Variants in TMTC2 observed in about 807,000 individuals in gnomAD.
TMTC2 encodes the protein protein O-mannosyl-transferase TMTC2.
In TMTC2, 43 loss-of-function variants were observed where a neutral mutation model predicts 82.4. The ratio of observed to expected loss-of-function variants is 0.52; its 90% confidence interval spans 0.41 to 0.67. The LOEUF (loss-of-function observed/expected upper bound fraction) is 0.67. TMTC2 is among the 30% of genes least tolerant of loss of function. The pLI is 0.00. For synonymous variants in TMTC2, 408 were observed against 381.9 expected, an observed-to-expected ratio of 1.07 and a Z score of -0.80; for missense variants, 919 against 1,012.4, an observed-to-expected ratio of 0.91 and a Z score of 1.25.
chr12:82,961,260 G>A (rs111853397), intron 4 of TMTC2, among the ~76,000 whole-genome samples: 42 of 68,574 alleles, frequency 6.1e-4, no homozygotes, highest in Non-Finnish European at 1.1e-3. Context: ...AAGGATTTCT[G>A]TTTATCATGT....
At chr12:82,824,175 T>G (rs755928775) in intron 1 of TMTC2, among the ~76,000 whole-genome samples, 5 of 152,228 alleles carry the variant, frequency 3.3e-5, no homozygotes, top group Non-Finnish European at 7.4e-5. Flanking sequence ...ATTATAGGCC[T>G]GGGCCACCGC....
At chr12:82,799,774 G>A (rs1465359203) in intron 1 of TMTC2, among the ~76,000 whole-genome samples, 3 of 151,998 alleles carry the variant, frequency 2.0e-5, no homozygotes, top group African/African-American at 7.2e-5. Flanking sequence ...CTTTTTGAGG[G>A]GACACAATTT....
At chr12:83,114,555 C>T (rs1884696111) in intron 11 of TMTC2, among the ~76,000 whole-genome samples, 1 of 152,162 alleles carries the variant, frequency 6.6e-6, no homozygotes, top group Admixed American at 6.5e-5. Context: ...TCTCTCATAT[C>T]CTCATTTCCG....
intron 4 of TMTC2, among the ~76,000 whole-genome samples, chr12:82,961,624 C>A (rs1050360080): frequency 1.3e-5 from 2 of 151,868 alleles, no homozygotes; most frequent in African/African-American, 4.8e-5. Flanking sequence ...TCTCTTTTTC[C>A]CTTTGTAATG....
chr12:83,116,062 T>C (rs1012091810), intron 11 of TMTC2, among the ~76,000 whole-genome samples: 1 of 152,126 alleles, frequency 6.6e-6, no homozygotes, highest in African/African-American at 2.4e-5. Flanking sequence ...TAATCTTTTA[T>C]CCTTCACCAC....
intron 1 of TMTC2, among the ~76,000 whole-genome samples, chr12:82,806,807 GA>G (rs577880477): frequency 3.3e-5 from 5 of 152,150 alleles, no homozygotes; most frequent in Non-Finnish European, 7.4e-5. Context: ...GGAGGAAGAA[GA>G]GGGGGGTTGG....
rs371975615 is a variant in TMTC2 at position 82,971,435 on chromosome 12, A to G, written c.1948+4438A>G. 1.2e-4 allele frequency among the ~76,000 whole-genome samples: 19 copies of G among 152,036 alleles called. No homozygotes were observed. The East Asian group carries it at 1.4e-3, about 11-fold the overall frequency. On this transcript the variant is annotated intron_variant, in intron 7 of 11. Coordinates refer to ENST00000321196, the MANE Select transcript of TMTC2 (RefSeq NM_152588.3). ...TTTTAATGCAGGATGATTTCTGAAC[A>G]CTCTGAGTTTCTCTTTTCTTTTTTT... is the stretch of plus-strand genomic sequence containing the variant.
intron 1 of TMTC2, among the ~76,000 whole-genome samples, chr12:82,736,452 G>A (rs1875129454): frequency 6.6e-6 from 1 of 151,922 alleles, no homozygotes; most frequent in Non-Finnish European, 1.5e-5. Context: ...TTACTTTTTT[G>A]TTTGATTCCT....
chr12:83,074,236 G>T (rs1038860957), intron 11 of TMTC2, among the ~76,000 whole-genome samples: 2 of 152,098 alleles, frequency 1.3e-5, no homozygotes, highest in African/African-American at 4.8e-5. Flanking sequence ...TGCAGTGATT[G>T]TTGTCTCTCT....
intron 11 of TMTC2, among the ~76,000 whole-genome samples, chr12:83,074,026 G>A (rs558467544): frequency 3.3e-5 from 5 of 152,262 alleles, no homozygotes; most frequent in South Asian, 2.1e-4. Flanking sequence ...GTGAACTAGT[G>A]TGATTTTTGA....
At chr12:82,933,565 C>A (rs1876157146) in intron 4 of TMTC2, among the ~76,000 whole-genome samples, 1 of 152,084 alleles carries the variant, frequency 6.6e-6, no homozygotes, top group Admixed American at 6.5e-5. Context: ...CGTGATAATA[C>A]CCCTTTGAGA....
chr12:82,975,713 A>C (rs1295392452), intron 7 of TMTC2, among the ~76,000 whole-genome samples: 5 of 144,574 alleles, frequency 3.5e-5, no homozygotes, highest in African/African-American at 1.3e-4. Context: ...TCCTAAAAGG[A>C]TCTGTGTGGA....
At chr12:83,048,644 C>T (rs1051480484) in intron 9 of TMTC2, among the ~76,000 whole-genome samples, 4 of 152,258 alleles carry the variant, frequency 2.6e-5, no homozygotes, top group East Asian at 3.9e-4. Context: ...TTTAGAAATA[C>T]TTAAATGCAA....
chr12:83,014,416 T>G (rs1796172), intron 8 of TMTC2, among the ~76,000 whole-genome samples: 1 of 151,688 alleles, frequency 6.6e-6, no homozygotes, highest in Admixed American at 6.6e-5. Context: ...TCTCAGCTCA[T>G]GCAACCTCCG....
chr12:82,906,417 C>T, intron 3 of TMTC2, among the ~76,000 whole-genome samples: 1 of 152,176 alleles, frequency 6.6e-6, no homozygotes, highest in South Asian at 2.1e-4. Flanking sequence ...GTAATCCCAG[C>T]ACTTTGGGAG....
At chr12:82,791,915 C>T (rs534059935) in intron 1 of TMTC2, among the ~76,000 whole-genome samples, 1 of 152,060 alleles carries the variant, frequency 6.6e-6, no homozygotes, top group Admixed American at 6.5e-5. Flanking sequence ...TCATTGCTCT[C>T]CTACCCCAAC....
At chr12:82,821,696 C>A (rs1441261036) in intron 1 of TMTC2, among the ~76,000 whole-genome samples, 4 of 152,026 alleles carry the variant, frequency 2.6e-5, no homozygotes, top group African/African-American at 4.8e-5. Context: ...GATGGTGAAA[C>A]CCCATCTCTA....
At chr12:82,786,389 C>G (rs1453139487) in intron 1 of TMTC2, among the ~76,000 whole-genome samples, 1 of 151,896 alleles carries the variant, frequency 6.6e-6, no homozygotes, top group Non-Finnish European at 1.5e-5. Context: ...ATATGTTGCC[C>G]AATAAATTGT....
chr12:82,932,942 TAGGAC>T, intron 4 of TMTC2, among the ~76,000 whole-genome samples: 1 of 152,204 alleles, frequency 6.6e-6, no homozygotes, highest in Non-Finnish European at 1.5e-5. Context: ...AATTACATCT[TAGGAC>T]TGTCTGTCTG....
Sources: allele counts gnomAD v4.1 joint callset (sites outside exome capture counted in the v4.1 genomes callset), GRCh38; gene constraint gnomAD v4.1.1; transcripts MANE v1.5; gene names NCBI Gene and HGNC (gene_info 2026-07-23, HGNC 2026-07-21).